The following SHCBP1 variants were observed in gnomAD, a reference collection of about 807,000 sequenced individuals.
SHCBP1 encodes SHC SH2 domain-binding protein 1.
Under a neutral mutation model 75.1 loss-of-function variants are expected in SHCBP1, and 60 were observed. The ratio of observed to expected loss-of-function variants is 0.80; its 90% CI spans 0.65 to 0.99. The LOEUF is 0.99. Ranked by LOEUF, SHCBP1 falls within the 50% of genes least tolerant of loss-of-function variation. The probability of loss-of-function intolerance (pLI) is 0.00; values close to 1 mark genes in which losing one functional copy is unlikely to be tolerated. For synonymous variants in SHCBP1, 290 were observed against 293.2 expected (o/e 0.99, Z 0.11); for missense variants, 709 against 809.4 (o/e 0.88, Z 1.50).
intron 3 of SHCBP1, among the ~76,000 whole-genome samples, chr16:46,617,206 C>A (rs930216375): frequency 6.6e-6 from 1 of 152,222 alleles, no homozygotes; most frequent in African/African-American, 2.4e-5. Context: ...TTAAAAATGC[C>A]TCTTAGCAGA....
chr16:46,608,214 T>G (rs1965352853), intron 5 of SHCBP1, 83 bp downstream of exon 5: 3 of 786,228 alleles, frequency 3.8e-6, no homozygotes, highest in Non-Finnish European at 4.4e-6. Flanking sequence ...TGTGTGTGTG[T>G]GTGTGTATCT....
intron 12 of SHCBP1, among the ~76,000 whole-genome samples, chr16:46,582,704 CAG>C (rs1201510440): frequency 1.3e-5 from 2 of 152,224 alleles, no homozygotes; most frequent in Non-Finnish European, 1.5e-5. Flanking sequence ...CGTTTGGAGA[CAG>C]AGTCTGCCCC....
intron 9 of SHCBP1, 42 bp from the exon 10 acceptor site, chr16:46,595,712 G>T: frequency 6.8e-7 from 1 of 1,475,104 alleles, no homozygotes; most frequent in Non-Finnish European, 9.5e-7. Flanking sequence ...GAAGTAATGT[G>T]CCTTTTCCAA....
chr16:46,582,314 T>C (rs1003843960), intron 12 of SHCBP1, among the ~76,000 whole-genome samples: 1 of 152,226 alleles, frequency 6.6e-6, no homozygotes, highest in Admixed American at 6.5e-5. Context: ...ATTGATAAGA[T>C]AGTGCCACTT....
chr16:46,610,981 A>G (rs754278520), intron 4 of SHCBP1, among the ~76,000 whole-genome samples: 46 of 152,194 alleles, frequency 3.0e-4, no homozygotes, highest in Admixed American at 7.9e-4. Flanking sequence ...TCAGTCAAGA[A>G]GCAGGAAGAG....
At chr16:46,585,071 T>G (rs1964935849) in intron 10 of SHCBP1, among the ~76,000 whole-genome samples, 2 of 152,176 alleles carry the variant, frequency 1.3e-5, no homozygotes, top group African/African-American at 4.8e-5. Context: ...TTTGGGGTTA[T>G]GTGCAAAAAA....
intron 4 of SHCBP1, among the ~76,000 whole-genome samples, chr16:46,614,134 G>A (rs554765439): frequency 2.0e-5 from 3 of 152,040 alleles, no homozygotes; most frequent in East Asian, 1.9e-4. Flanking sequence ...GACAGAAACC[G>A]GTTCTTTAGA....
At chr16:46,603,692 A>G (rs948395492) in intron 7 of SHCBP1, 33 bp from the exon 8 acceptor site, 1 of 1,612,494 alleles carries the variant, frequency 6.2e-7, no homozygotes, top group South Asian at 1.1e-5. Flanking sequence ...TTGTAAATAT[A>G]CACTCCCAAA....
In SHCBP1 at chr16:46,618,364, G is replaced by C; in HGVS notation, c.112C>G (p.Gln38Glu). 6.3e-7 allele frequency: 1 copy of C among 1,580,334 alleles called. No individual in the cohort carries two copies. The highest frequency in any genetic ancestry group is 2.2e-5 in the East Asian group (1 of 44,516). Reference sequence around the variant, plus strand: ...CAATCACTGCATGAATCTTCATCTTGGAACAAACCTAAAAAAAAAAAGCAA... The same window carrying C: ...CAATCACTGCATGAATCTTCATCTTCGAACAAACCTAAAAAAAAAAAGCAA... ...ELASLEKGLFQDEDSCSDCSY... is the reference protein window; with the variant it reads ...ELASLEKGLFEDEDSCSDCSY... The change falls in exon 2 of 13, where the codon CAA becomes GAA. Residue 38 changes from glutamine (Q) to glutamate (E), a missense_variant. By Grantham distance (29) the Gln-to-Glu change is conservative (BLOSUM62 2). Transcript: ENST00000303383.
At chr16:46,597,961 T>C (rs1965169217) in intron 9 of SHCBP1, among the ~76,000 whole-genome samples, 1 of 152,240 alleles carries the variant, frequency 6.6e-6, no homozygotes. Context: ...TAAGAAGCAA[T>C]TCCTCATCTG....
At chr16:46,597,485 T>C (rs1365301119) in intron 9 of SHCBP1, among the ~76,000 whole-genome samples, 1 of 152,196 alleles carries the variant, frequency 6.6e-6, no homozygotes, top group East Asian at 1.9e-4. Context: ...ATAATGCATC[T>C]ATTAAGTGTA....
chr16:46,618,239 A>G lies in SHCBP1; in HGVS notation c.237T>C (p.Tyr79=), dbSNP rs768688954. 67 of 1,611,444 alleles carry G rather than the reference A, an allele frequency of 4.2e-5. No homozygotes were observed. The East Asian group carries it at 1.4e-3, about 34-fold the overall frequency. Residue 79 remains tyrosine (Y), a synonymous_variant, in exon 2 of 13, where the codon TAT becomes TAC. Transcript: ENST00000303383. ...AATCTTGATAGGCTCTGAATCGCTC[A>G]TAGAACAAAAGTTGATTTGTTTGGA... ...EIFQTNQLLF[Y]ERFRAYQDYI...
At chr16:46,595,443 G>A (rs536256207) in intron 10 of SHCBP1, 109 bp downstream of exon 10, 2 of 863,222 alleles carry the variant, frequency 2.3e-6, no homozygotes, top group South Asian at 2.7e-5. Context: ...TGGTAGAGAT[G>A]ACTGTCTGAA....
At chr16:46,587,590 C>T (rs901636180) in intron 10 of SHCBP1, among the ~76,000 whole-genome samples, 4 of 152,022 alleles carry the variant, frequency 2.6e-5, no homozygotes, top group African/African-American at 9.7e-5. Flanking sequence ...AGCTAACTAT[C>T]CTAAATATAT....
At chr16:46,583,051 CAG>C (rs1468917233) in intron 12 of SHCBP1, among the ~76,000 whole-genome samples, 14 of 152,230 alleles carry the variant, frequency 9.2e-5, no homozygotes, top group Middle Eastern at 3.4e-3. Context: ...CCAATAAAAA[CAG>C]AGGTAAACTC....
Position 46,604,225 on chromosome 16 carries a change from T to C in SHCBP1, c.923+3A>G, listed in dbSNP as rs1478222920. On this transcript the variant is annotated splice_donor_region_variant and intron_variant, in intron 6 of 12. Transcript: ENST00000303383. ...TAACTAAGAATTACAAAGACACACA[T>C]ACCTCAACAAAGGATTCTCAATGAG... is the stretch of plus-strand genomic sequence containing the variant. 1.2e-6 allele frequency: 2 copies of C among 1,614,070 alleles called. No individual in the cohort carries two copies. Among genetic ancestry groups the C allele is most frequent in the Non-Finnish European group, 1.7e-6 (2 of 1,179,920 alleles).
chr16:46,604,658 C>A (rs778882291), intron 5 of SHCBP1, among the ~76,000 whole-genome samples, 197 bp from the exon 6 acceptor site: 2 of 152,116 alleles, frequency 1.3e-5, no homozygotes, highest in Non-Finnish European at 2.9e-5. Context: ...GCACCACTTC[C>A]TTAAGGTCAC....
rs751692076 is a variant in SHCBP1, at chr16:46,595,554, T to A, written c.1462A>T (p.Lys488Ter). The A allele has an allele frequency of 6.2e-7, 1 of 1,612,816 alleles. No individual in the cohort carries two copies. The highest frequency in any genetic ancestry group is 8.5e-7 in the Non-Finnish European group (1 of 1,178,878). ...CCCAAGAGGACAAGAGCTTCTACCT[T>A]GGCGCCATATAAATCCGAGTTCTTC... is the stretch of plus-strand genomic sequence containing the variant. The part of the protein sequence containing the change: ...LMKNSDLYGA[K>*]GAGIEIYPGS... Residue 488 changes from lysine (K) to a stop codon, truncating the protein, a stop_gained and splice_region_variant, in exon 10 of 13, where the codon AAG becomes TAG. Coordinates refer to ENST00000303383, the MANE Select transcript of SHCBP1 (RefSeq NM_024745.5). LOFTEE classifies it high-confidence loss of function.
intron 10 of SHCBP1, among the ~76,000 whole-genome samples, chr16:46,588,963 C>CTTA (rs1457892487): frequency 6.6e-6 from 1 of 152,170 alleles, no homozygotes. Flanking sequence ...CATCAAAAAG[C>CTTA]TTATCCACCA....
Sources: allele counts gnomAD v4.1 joint callset (sites outside exome capture counted in the v4.1 genomes callset), GRCh38; gene constraint gnomAD v4.1.1; transcripts MANE v1.5; gene names NCBI Gene and HGNC (gene_info 2026-07-23, HGNC 2026-07-21).